Variants in SNAP91 observed in about 807,000 individuals in gnomAD.
SNAP91 encodes synaptosome associated protein 91.
Under a neutral mutation model 100.3 loss-of-function variants are expected in SNAP91, and 27 were observed. The ratio of observed to expected loss-of-function variants is 0.27; its 90% CI spans 0.20 to 0.37. The LOEUF (loss-of-function observed/expected upper bound fraction) is 0.37. SNAP91 is among the 10% of genes least tolerant of loss of function. SNAP91 has a pLI of 1.00. For synonymous variants in SNAP91, 404 were observed against 398.6 expected (o/e 1.01, Z -0.16); for missense variants, 986 against 1,123.7 (o/e 0.88, Z 1.75).
chr6:83,636,111 G>A (rs907338015), intron 8 of SNAP91, among the ~76,000 whole-genome samples: 11 of 152,070 alleles, frequency 7.2e-5, no homozygotes, highest in African/African-American at 2.7e-4. Context: ...TTTTTCTTGT[G>A]TTGATCTTGG....
chr6:83,659,205 T>C, intron 5 of SNAP91, 113 bp from the exon 6 acceptor site: 1 of 758,764 alleles, frequency 1.3e-6, no homozygotes, highest in East Asian at 2.7e-5. Flanking sequence ...ATTAATCCTG[T>C]GGGATCAATT....
At chr6:83,592,607 A>T (rs2128199502) in intron 20 of SNAP91, 69 bp from the exon 21 acceptor site, 1 of 1,261,810 alleles carries the variant, frequency 7.9e-7, no homozygotes, top group Non-Finnish European at 1.1e-6. Context: ...AGCCTTGACA[A>T]ATGGCATCTT....
At chr6:83,574,210 A>T (rs906772049) in intron 26 of SNAP91, among the ~76,000 whole-genome samples, 3 of 152,212 alleles carry the variant, frequency 2.0e-5, no homozygotes, top group Non-Finnish European at 4.4e-5. Flanking sequence ...AACTGCCAGT[A>T]AGTTTGGGAA....
At chr6:83,619,248 T>C (rs556547121) in intron 9 of SNAP91, among the ~76,000 whole-genome samples, 2 of 152,292 alleles carry the variant, frequency 1.3e-5, no homozygotes, top group African/African-American at 4.8e-5. Context: ...ATCATTTATA[T>C]TTCTTATAAA....
At chr6:83,684,269 T>G (rs2128935818) in intron 2 of SNAP91, among the ~76,000 whole-genome samples, 1 of 152,300 alleles carries the variant, frequency 6.6e-6, no homozygotes, top group South Asian at 2.1e-4. Flanking sequence ...TGCTCTGAAT[T>G]CTATGGTTCA....
rs2094031042 is a variant in SNAP91, at chr6:83,593,253, A to C, written c.1703T>G (p.Phe568Cys). ...TGCAGCAACTTCAGGAGTGGACTCA[A>C]ATAAATCTAAGACCAAGAACACACA... ...PPALDIFGDL[F>C]ESTPEVAAAP... Residue 568 changes from phenylalanine (F) to cysteine (C), a missense_variant, in exon 19 of 30, where the codon TTT becomes TGT. By Grantham distance (205) the Phe-to-Cys change is radical. This residue lies in a region of SNAP91 where 575 missense variants were observed against 579.9 expected (regional missense o/e 0.99). Transcript: ENST00000369694. The C allele has an allele frequency of 3.8e-6, 6 of 1,589,118 alleles. No individual in the cohort carries two copies. Among genetic ancestry groups the C allele is most frequent in the Non-Finnish European group, 4.3e-6 (5 of 1,167,152 alleles).
intron 2 of SNAP91, chr6:83,690,201 A>AT: frequency 1.1e-6 from 1 of 873,786 alleles, no homozygotes. Context: ...GAATATTTGA[A>AT]TTTTTTTCAG....
intron 16 of SNAP91, among the ~76,000 whole-genome samples, chr6:83,594,907 CATA>C (rs2094285580): frequency 6.6e-6 from 1 of 152,188 alleles, no homozygotes; most frequent in East Asian, 1.9e-4. Flanking sequence ...TTCTAGCAAA[CATA>C]ATATCTTCTT....
chr6:83,555,339 A>G (rs1416875041), intron 29 of SNAP91, among the ~76,000 whole-genome samples: 2 of 152,236 alleles, frequency 1.3e-5, no homozygotes, highest in Non-Finnish European at 2.9e-5. Context: ...CAAGAGTCCA[A>G]AAACACTGAG....
chr6:83,560,916 G>A lies in SNAP91; in HGVS notation c.2474C>T (p.Pro825Leu), dbSNP rs1302022597. 3.1e-6 allele frequency: 5 copies of A among 1,613,160 alleles called. No individual in the cohort carries two copies. The highest frequency in any genetic ancestry group is 1.7e-4 in the Middle Eastern group (1 of 6,058). ...AACCGATGGGGCCCCGGCAACAGGA[G>A]GAACTGAACTGGTTGGAGGTACAGC... ...QGAVPPTSSV[P>L]PVAGAPSVGQ... is the part of the protein sequence containing the mutation. Residue 825 changes from proline to leucine, a missense_variant, in exon 27 of 30, where the codon CCT becomes CTT. Physicochemically the swap from Pro to Leu is moderately conservative, Grantham distance 98 (BLOSUM62 -3). Coordinates refer to ENST00000369694, the MANE Select transcript of SNAP91 (RefSeq NM_001242792.2).
chr6:83,560,664 T>C (rs1203220010), intron 27 of SNAP91, among the ~76,000 whole-genome samples, 200 bp downstream of exon 27: 1 of 152,228 alleles, frequency 6.6e-6, no homozygotes, highest in Non-Finnish European at 1.5e-5. Flanking sequence ...ATTAATTTGA[T>C]GGTAGAACAT....
At chr6:83,667,642 ATTTT>A (rs940098154) in intron 2 of SNAP91, among the ~76,000 whole-genome samples, 1 of 151,826 alleles carries the variant, frequency 6.6e-6, no homozygotes, top group Admixed American at 6.6e-5. Context: ...TGATTTTTAT[ATTTT>A]TTTATTATAC....
intron 26 of SNAP91, among the ~76,000 whole-genome samples, chr6:83,569,651 C>T (rs776959466): frequency 3.9e-4 from 60 of 152,262 alleles, no homozygotes; most frequent in Middle Eastern, 6.8e-3. Context: ...TGTCTTCCTA[C>T]CCAAGTCTCA....
intron 8 of SNAP91, among the ~76,000 whole-genome samples, chr6:83,625,003 A>C (rs551489831): frequency 5.3e-5 from 8 of 152,208 alleles, no homozygotes; most frequent in East Asian, 3.9e-4. Flanking sequence ...GATAGTGAAC[A>C]CAGTACCTAA....
At chr6:83,666,059 CTT>C (rs2128773223) in intron 2 of SNAP91, among the ~76,000 whole-genome samples, 1 of 152,178 alleles carries the variant, frequency 6.6e-6, no homozygotes, top group African/African-American at 2.4e-5. Flanking sequence ...AGTAAATACA[CTT>C]GTCATATGAG....
At chr6:83,605,189 T>C (rs769952907) in intron 14 of SNAP91, among the ~76,000 whole-genome samples, 3 of 152,046 alleles carry the variant, frequency 2.0e-5, no homozygotes, top group African/African-American at 7.2e-5. Context: ...CTGGTACAAA[T>C]AAGAATCTGT....
Position 83,578,311 on chromosome 6 carries a change from A to G in SNAP91, c.2299+2139T>C, listed in dbSNP as rs78558332. ...TATCAGACTTCTTTCTATAGCAGCT[A>G]AACCATGTTACATTTTTACCAGCAA... On this transcript the variant is annotated intron_variant, in intron 24 of 29. Transcript: ENST00000369694. Among the ~76,000 whole-genome samples the G allele has an allele frequency of 5.5e-3, 833 of 152,260 alleles. 10 individuals carry two copies. Among genetic ancestry groups the G allele is most frequent in the African/African-American group, 0.019 (798 of 41,562 alleles).
At chr6:83,588,482 T>A (rs1309035044) in intron 22 of SNAP91, among the ~76,000 whole-genome samples, 1 of 152,296 alleles carries the variant, frequency 6.6e-6, no homozygotes, top group African/African-American at 2.4e-5. Flanking sequence ...GACAACACAA[T>A]TGAATAATTT....
chr6:83,702,465 A>G (rs181930745), intron 2 of SNAP91, among the ~76,000 whole-genome samples: 1 of 152,334 alleles, frequency 6.6e-6, no homozygotes, highest in East Asian at 1.9e-4. Context: ...TTACAAATAA[A>G]TCTTTAACCA....
Sources: gnomAD v4.1 joint callset for allele counts (sites outside exome capture counted in the v4.1 genomes callset) on GRCh38, gnomAD v4.1.1 for gene constraint, gnomAD v4.1.1 regional missense constraint, MANE v1.5 for transcripts, NCBI Gene and HGNC (gene_info 2026-07-23, HGNC 2026-07-21) for gene names.